Variants in ZNF81 observed in about 807,000 individuals in gnomAD.
ZNF81 encodes the protein zinc finger protein 81 (HFZ20).
Under a neutral mutation model 32.3 loss-of-function variants are expected in ZNF81, and 5 were observed. The observed-to-expected ratio is 0.15, with a 90% CI of 0.08 to 0.33. The LOEUF (loss-of-function observed/expected upper bound fraction) is 0.33. Ranked by LOEUF, ZNF81 falls within the 10% of genes least tolerant of loss-of-function variation. The pLI, the probability that ZNF81 is intolerant of heterozygous loss-of-function variation, is 1.00. For synonymous variants in ZNF81, 163 were observed against 166.8 expected, an observed-to-expected ratio of 0.98 and a Z score of 0.17; for missense variants, 379 against 479.8, an observed-to-expected ratio of 0.79 and a Z score of 1.96.
chrX:47,839,771 G>T (rs782391057), intron 1 of ZNF81, among the ~76,000 whole-genome samples: 37 of 111,883 alleles, frequency 3.3e-4, no homozygotes, highest in African/African-American at 1.2e-3. Context: ...CATCCAAGTT[G>T]TTGAATTTAT....
chrX:47,884,243 T>TAA (rs56255807), intron 2 of ZNF81, among the ~76,000 whole-genome samples: 2 of 31,258 alleles, frequency 6.4e-5, no homozygotes, highest in Non-Finnish European at 5.7e-5. Context: ...AGACGTCATC[T>TAA]AAAAAAAAAA....
Position 47,922,839 on chromosome X carries a change from G to A in ZNF81, c.*6207G>A, listed in dbSNP as rs1345505334. On this transcript the variant is annotated 3_prime_UTR_variant, in exon 5 of 5. Transcript: ENST00000338637. Reference sequence around the variant, plus strand: ...GCTCCCTCTGAAGGTGCTAGGGAAGGAACGGTTCCATGCCTCTCTCCTAGC... The same window carrying A: ...GCTCCCTCTGAAGGTGCTAGGGAAGAAACGGTTCCATGCCTCTCTCCTAGC... Among the ~76,000 whole-genome samples the A allele has an allele frequency of 9.0e-6, 1 of 111,576 alleles. No individual in the cohort carries two copies. The highest frequency in any genetic ancestry group is 1.9e-5 in the Non-Finnish European group (1 of 53,116).
chrX:47,905,878 A>C (rs2058719686), intron 4 of ZNF81, among the ~76,000 whole-genome samples: 1 of 112,220 alleles, frequency 8.9e-6, no homozygotes, highest in African/African-American at 3.2e-5. Context: ...GTGAATGTAA[A>C]TACAATTCAA....
chrX:47,856,693 T>C (rs1211778380), intron 2 of ZNF81, among the ~76,000 whole-genome samples: 3 of 111,713 alleles, frequency 2.7e-5, no homozygotes, highest in Non-Finnish European at 3.8e-5. Context: ...ACCTGTAATC[T>C]CAGCACTTTG....
chrX:47,894,555 C>T (rs2058673389), intron 3 of ZNF81, among the ~76,000 whole-genome samples: 1 of 110,922 alleles, frequency 9.0e-6, no homozygotes, highest in South Asian at 3.9e-4. Context: ...AAGTATTTCT[C>T]CCTTTGGAAT....
At position 47,914,543 on chromosome X, in the gene ZNF81, A is replaced by G. The variant is rs1284140044; in HGVS notation, c.278-381A>G. Among the ~76,000 whole-genome samples, 5 of 112,170 alleles carry G rather than the reference A, an allele frequency of 4.5e-5. No homozygotes were observed. In the East Asian group the frequency reaches 1.1e-3, roughly 25 times the overall value. The stretch of plus-strand genomic sequence containing the variant: ...CGTATTCAGTACAGTCACATGCTAT[A>G]TGGGTTTGTAGCATAGGTGCAATAT... On this transcript the variant is annotated intron_variant, in intron 4 of 4. Coordinates refer to ENST00000338637, the MANE Select transcript of ZNF81 (RefSeq NM_007137.5).
chrX:47,899,155 T>A (rs188848712), intron 4 of ZNF81, among the ~76,000 whole-genome samples: 143 of 111,672 alleles, frequency 1.3e-3, no homozygotes, highest in African/African-American at 4.5e-3. Flanking sequence ...AGTGTGGGCA[T>A]GTTTGTCTTG....
chrX:47,850,792 A>C (rs2148007377), intron 2 of ZNF81, among the ~76,000 whole-genome samples: 1 of 109,855 alleles, frequency 9.1e-6, no homozygotes, highest in African/African-American at 3.3e-5. Context: ...GAAAAAAAGT[A>C]CCCTCCAATT....
At chrX:47,841,931 C>G (rs986798341) in intron 1 of ZNF81, among the ~76,000 whole-genome samples, 2 of 111,241 alleles carry the variant, frequency 1.8e-5, no homozygotes, top group South Asian at 3.8e-4. Context: ...AAGACCTTTC[C>G]TCTTTTCTCA....
In ZNF81 at chrX:47,921,316, A is replaced by G. The variant is rs782029902; in HGVS notation, c.*4684A>G. The G allele has an allele frequency of 9.0e-6, 1 of 110,521 alleles. No homozygotes were observed. Among genetic ancestry groups the G allele is most frequent in the East Asian group, 2.9e-4 (1 of 3,493 alleles). The allele number at this position is 110,521 out of a possible 1,213,427, so 9.1% of individuals were successfully genotyped here. The stretch of plus-strand genomic sequence containing the variant: ...CTTGCCCACTTTTGCAGCTCTTTGG[A>G]ATCCTGAACCCATGTGTGGAAAAGC... On this transcript the variant is annotated 3_prime_UTR_variant, in exon 5 of 5. Coordinates refer to ENST00000338637, the MANE Select transcript of ZNF81 (RefSeq NM_007137.5).
chrX:47,880,024 G>A (rs1556884968), intron 2 of ZNF81, among the ~76,000 whole-genome samples: 1 of 112,191 alleles, frequency 8.9e-6, no homozygotes, highest in East Asian at 2.8e-4. Context: ...TGAATCTAGA[G>A]GCTTGATCAA....
In ZNF81 at chrX:47,841,968, CCT is replaced by C. The variant is rs782726257; in HGVS notation, c.-163-4133_-163-4132del. ...ATAAACATTTAGTGCTATAATGTTC[CCT>C]CTCAACAGTGCTTTATCTGTACCCC... On this transcript the variant is annotated intron_variant, in intron 1 of 4. Coordinates refer to ENST00000338637, the MANE Select transcript of ZNF81 (RefSeq NM_007137.5). Among the ~76,000 whole-genome samples the C allele has an allele frequency of 2.0e-4, 22 of 111,311 alleles. 1 individual carries two copies. In the East Asian group the frequency reaches 2.2e-3, roughly 11 times the overall value.
chrX:47,855,105 AT>A (rs1556881710), intron 2 of ZNF81, among the ~76,000 whole-genome samples: 1 of 110,293 alleles, frequency 9.1e-6, no homozygotes, highest in African/African-American at 3.3e-5. Flanking sequence ...AACTAAAAAA[AT>A]ATGTACCCTA....
chrX:47,908,388 CA>C (rs2058728091), intron 4 of ZNF81, among the ~76,000 whole-genome samples: 1 of 111,524 alleles, frequency 9.0e-6, no homozygotes. Context: ...TGACAATTAT[CA>C]AATGTTGATG....
chrX:47,850,921 A>C (rs1556881141), intron 2 of ZNF81, among the ~76,000 whole-genome samples: 9 of 97,380 alleles, frequency 9.2e-5, no homozygotes, highest in East Asian at 7.0e-4. Context: ...ACACACACAC[A>C]CACACACACA....
At chrX:47,873,893 C>T (rs1556884214) in intron 2 of ZNF81, among the ~76,000 whole-genome samples, 1 of 111,510 alleles carries the variant, frequency 9.0e-6, no homozygotes, top group East Asian at 2.8e-4. Flanking sequence ...TCTCGAACTC[C>T]TTGGCCTCAA....
intron 2 of ZNF81, among the ~76,000 whole-genome samples, chrX:47,887,419 C>T (rs1556885915): frequency 8.9e-6 from 1 of 111,973 alleles, no homozygotes; most frequent in African/African-American, 3.3e-5. Context: ...ACTCAACCAA[C>T]TTGATTTATA....
chrX:47,879,300 A>G (rs964005459), intron 2 of ZNF81, among the ~76,000 whole-genome samples: 3 of 111,464 alleles, frequency 2.7e-5, no homozygotes, highest in African/African-American at 9.8e-5. Context: ...TTTTCCAGAA[A>G]GCTACATCTC....
rs782599573 is a variant in ZNF81, at chrX:47,924,537, T to C, written c.*7905T>C. On this transcript the variant is annotated 3_prime_UTR_variant, in exon 5 of 5. Transcript: ENST00000338637. The stretch of plus-strand genomic sequence containing the variant: ...TTCTCTTCTTCAGGGACATCAATTA[T>C]GCATATGTAAGATGTCTTTGTCACC... 7.1e-5 allele frequency among the ~76,000 whole-genome samples: 8 copies of C among 112,257 alleles called. No homozygotes were observed. Among genetic ancestry groups the C allele is most frequent in the African/African-American group, 2.3e-4 (7 of 30,968 alleles).
Sources: allele counts gnomAD v4.1 joint callset (sites outside exome capture counted in the v4.1 genomes callset), GRCh38; gene constraint gnomAD v4.1.1; transcripts MANE v1.5; gene names NCBI Gene and HGNC (gene_info 2026-07-23, HGNC 2026-07-21).